Variants in DYNC2I1 observed in about 807,000 individuals in gnomAD.
The protein encoded by DYNC2I1 is cytoplasmic dynein 2 intermediate chain 1.
DYNC2I1 carries 89 observed loss-of-function variants against 133.4 expected under a neutral mutation model. The observed-to-expected ratio is 0.67, with a 90% CI of 0.56 to 0.80. The LOEUF (loss-of-function observed/expected upper bound fraction) is 0.80, where lower values mean the gene tolerates loss of function less well. Among genes scored for constraint, DYNC2I1 ranks in the 30% least tolerant of loss-of-function variants. The pLI, the probability that DYNC2I1 is intolerant of heterozygous loss-of-function variation, is 0.00. For missense variants in DYNC2I1, 1,291 were observed against 1,314.5 expected (o/e 0.98, Z 0.28); for synonymous variants, 504 against 484.3 (o/e 1.04, Z -0.54).
intron 14 of DYNC2I1, among the ~76,000 whole-genome samples, chr7:158,916,300 G>A (rs1350882869): frequency 3.6e-4 from 37 of 102,932 alleles, no homozygotes; most frequent in African/African-American, 1.2e-3. Context: ...CGACACGGTG[G>A]TTGAGATTAA....
chr7:158,840,339 G>T, the DYNC2I1 span, among the ~76,000 whole-genome samples: 1 of 152,312 alleles, frequency 6.6e-6, no homozygotes, highest in Non-Finnish European at 1.5e-5. Context: ...GCCAAGGCAG[G>T]TGGATCCGTC....
chr7:158,870,891 G>C (rs1390094073), intron 2 of DYNC2I1, among the ~76,000 whole-genome samples: 1 of 152,158 alleles, frequency 6.6e-6, no homozygotes, highest in Non-Finnish European at 1.5e-5. Context: ...CGATCAGTGT[G>C]AATGTCCATG....
At chr7:158,900,229 C>G (rs1208185413) in intron 8 of DYNC2I1, among the ~76,000 whole-genome samples, 3 of 150,990 alleles carry the variant, frequency 2.0e-5, no homozygotes, top group African/African-American at 7.3e-5. Context: ...TCAAGTGATT[C>G]TCCTGCTTCA....
At chr7:158,878,468 T>G in intron 4 of DYNC2I1, among the ~76,000 whole-genome samples, 1 of 123,274 alleles carries the variant, frequency 8.1e-6, no homozygotes, top group Non-Finnish European at 1.7e-5. Context: ...GGGCCGACAG[T>G]GAGTGCCGGG....
chr7:158,929,702 C>T (rs1181462285), intron 20 of DYNC2I1, among the ~76,000 whole-genome samples: 1 of 152,244 alleles, frequency 6.6e-6, no homozygotes, highest in Non-Finnish European at 1.5e-5. Context: ...CACCTGCCCC[C>T]AGAGTTTTAG....
At chr7:158,916,253 T>A (rs75461037) in intron 14 of DYNC2I1, among the ~76,000 whole-genome samples, 149 of 7,050 alleles carry the variant, frequency 0.021, no homozygotes, top group East Asian at 0.074. Flanking sequence ...GTGAAACGTC[T>A]ACACGCTGGT....
intron 23 of DYNC2I1, among the ~76,000 whole-genome samples, chr7:158,941,166 C>T (rs766589666): frequency 6.6e-6 from 1 of 152,100 alleles, no homozygotes; most frequent in Non-Finnish European, 1.5e-5. Flanking sequence ...CTCAGAAATA[C>T]AAATAATCAT....
chr7:158,866,604 G>A (rs1358076575), intron 1 of DYNC2I1, among the ~76,000 whole-genome samples: 1 of 152,106 alleles, frequency 6.6e-6, no homozygotes, highest in East Asian at 1.9e-4. Flanking sequence ...CAAATAGTTG[G>A]CCGGGCGTGG....
At chr7:158,875,091 C>CTTTTT (rs35170585) in intron 3 of DYNC2I1, among the ~76,000 whole-genome samples, 3 of 110,590 alleles carry the variant, frequency 2.7e-5, no homozygotes, top group Non-Finnish European at 3.5e-5. Context: ...TGGTAAATGC[C>CTTTTT]TTTTTTTTTT....
At chr7:158,918,674 T>A in intron 14 of DYNC2I1, 66 bp from the exon 15 acceptor site, 6 of 1,480,210 alleles carry the variant, frequency 4.1e-6, no homozygotes, top group Non-Finnish European at 5.6e-6. Context: ...GAAAAGGTAA[T>A]TTTTTTTTGG....
chr7:158,872,613 C>T (rs537970546), intron 3 of DYNC2I1, among the ~76,000 whole-genome samples: 4 of 151,608 alleles, frequency 2.6e-5, no homozygotes, highest in South Asian at 2.1e-4. Context: ...CCAGACAGAG[C>T]GAGACTCTGT....
intron 4 of DYNC2I1, among the ~76,000 whole-genome samples, chr7:158,952,817 C>T (rs1462279448): frequency 6.8e-6 from 1 of 147,748 alleles, no homozygotes; most frequent in Non-Finnish European, 1.5e-5. Flanking sequence ...TGTTGCACAG[C>T]GTGGGCTCAG....
chr7:158,903,234 T>C (rs796673934), intron 10 of DYNC2I1: 3 of 152,334 alleles, frequency 2.0e-5, no homozygotes, highest in African/African-American at 7.2e-5. Context: ...ACAAGGACCT[T>C]TTTAAATTAA....
intron 8 of DYNC2I1, among the ~76,000 whole-genome samples, chr7:158,893,229 G>A (rs1845409837): frequency 6.6e-6 from 1 of 152,090 alleles, no homozygotes; most frequent in Non-Finnish European, 1.5e-5. Context: ...CTGTGCTCCG[G>A]CTGTTCATCC....
At chr7:158,882,324 C>T (rs1018063436) in intron 5 of DYNC2I1, among the ~76,000 whole-genome samples, 3 of 152,114 alleles carry the variant, frequency 2.0e-5, no homozygotes, top group Non-Finnish European at 2.9e-5. Context: ...TGGCTTACAC[C>T]TGGAGTCCTA....
intron 11 of DYNC2I1, among the ~76,000 whole-genome samples, 188 bp from the exon 12 acceptor site, chr7:158,911,362 A>G (rs1847454340): frequency 6.6e-6 from 1 of 152,182 alleles, no homozygotes; most frequent in Non-Finnish European, 1.5e-5. Flanking sequence ...GTCACACACC[A>G]GGTTCCCACG....
At chr7:158,881,983 C>G (rs1563104995) in intron 5 of DYNC2I1, among the ~76,000 whole-genome samples, 1 of 152,136 alleles carries the variant, frequency 6.6e-6, no homozygotes, top group Admixed American at 6.6e-5. Flanking sequence ...GTGCTTAGTT[C>G]CACCCAGAAA....
rs1006455717 is a variant in DYNC2I1 at position 158,935,043 on chromosome 7, A to G, written c.2778+494A>G. 3.3e-5 allele frequency among the ~76,000 whole-genome samples: 5 copies of G among 152,254 alleles called. 1 individual carries two copies. Among genetic ancestry groups the G allele is most frequent in the Admixed American group, 6.5e-5 (1 of 15,288 alleles). On this transcript the variant is annotated intron_variant, in intron 23 of 24. Transcript: ENST00000407559. ...TTACAAACTAGTTAGAATTTAACAG[A>G]AGAATATGAAATACCAAAACCTATG...
At chr7:158,873,825 C>T (rs191657869) in intron 3 of DYNC2I1, among the ~76,000 whole-genome samples, 1 of 151,996 alleles carries the variant, frequency 6.6e-6, no homozygotes, top group African/African-American at 2.4e-5. Flanking sequence ...GGCGCGATCT[C>T]GGCCCACTGC....
Sources: allele counts gnomAD v4.1 joint callset (sites outside exome capture counted in the v4.1 genomes callset), GRCh38; gene constraint gnomAD v4.1.1; transcripts MANE v1.5; gene names NCBI Gene and HGNC (gene_info 2026-07-23, HGNC 2026-07-21).